The following WWOX variants were observed in gnomAD, a reference collection of about 807,000 sequenced individuals.
WWOX encodes WW domain-containing oxidoreductase.
Under a neutral mutation model 46.2 loss-of-function variants are expected in WWOX, and 69 were observed. That is an observed-to-expected ratio of 1.49 (90% CI 1.23 to 1.82). WWOX has a LOEUF of 1.82. Among genes scored for constraint, WWOX ranks in the 40% most tolerant of loss-of-function variants. The pLI, the probability that WWOX is intolerant of heterozygous loss-of-function variation, is 0.00. For synonymous variants in WWOX, 359 were observed against 202.6 expected (o/e 1.77, Z -6.56); for missense variants, 919 against 542.6 (o/e 1.69, Z -6.89).
chr16:78,802,943 C>CAAAAAAAAAAAAAA (rs1044478788), intron 8 of WWOX, among the ~76,000 whole-genome samples: 1 of 40,842 alleles, frequency 2.4e-5, no homozygotes, highest in Non-Finnish European at 4.5e-5. Flanking sequence ...AAAAAAAAAA[C>CAAAAAAAAAAAAAA]AACAAACAGA....
intron 8 of WWOX, among the ~76,000 whole-genome samples, chr16:78,923,888 C>G (rs941578388): frequency 6.6e-6 from 1 of 150,964 alleles, no homozygotes; most frequent in African/African-American, 2.4e-5. Context: ...CAACCTCCGC[C>G]TCCTGGGTTC....
chr16:78,929,691 A>T (rs2045576918), intron 8 of WWOX, among the ~76,000 whole-genome samples: 1 of 152,304 alleles, frequency 6.6e-6, no homozygotes, highest in African/African-American at 2.4e-5. Flanking sequence ...CAGCCAGCTC[A>T]GGAAAGATTT....
chr16:78,785,409 A>G (rs1039467624), intron 8 of WWOX, among the ~76,000 whole-genome samples: 1 of 152,222 alleles, frequency 6.6e-6, no homozygotes, highest in East Asian at 1.9e-4. Context: ...TCACTCTGCA[A>G]CACACATCGG....
At chr16:79,208,655 A>C (rs1010652336) in intron 8 of WWOX, among the ~76,000 whole-genome samples, 1 of 152,024 alleles carries the variant, frequency 6.6e-6, no homozygotes, top group African/African-American at 2.4e-5. Context: ...CAGTTTAAGA[A>C]TGCTTTCTCT....
At chr16:78,260,334 C>T (rs1439784509) in intron 5 of WWOX, among the ~76,000 whole-genome samples, 3 of 151,580 alleles carry the variant, frequency 2.0e-5, no homozygotes, top group Non-Finnish European at 4.4e-5. Context: ...ATCCAAAGGT[C>T]AGCAGCCTGA....
At chr16:79,209,364 G>C (rs931030070) in intron 8 of WWOX, among the ~76,000 whole-genome samples, 6 of 152,208 alleles carry the variant, frequency 3.9e-5, no homozygotes, top group African/African-American at 1.4e-4. Context: ...GTAGGTCATA[G>C]TGGCAAAATA....
At chr16:79,180,777 C>G (rs2050895865) in intron 8 of WWOX, among the ~76,000 whole-genome samples, 1 of 152,064 alleles carries the variant, frequency 6.6e-6, no homozygotes. Flanking sequence ...ATCCATTCAT[C>G]AATCCATTTA....
At chr16:78,569,597 A>C (rs954540388) in intron 8 of WWOX, among the ~76,000 whole-genome samples, 1 of 152,208 alleles carries the variant, frequency 6.6e-6, no homozygotes, top group East Asian at 1.9e-4. Flanking sequence ...GCCTTGTTGA[A>C]AAAGAATCGC....
Position 78,424,851 on chromosome 16 carries a change from G to T in WWOX, c.606-19G>T. Reference sequence around the variant, plus strand: ...TGTAGTGTTTATGTCCACATCACATGGGATATTTTATTTTTCAGGCCTCTT... The same window carrying T: ...TGTAGTGTTTATGTCCACATCACATTGGATATTTTATTTTTCAGGCCTCTT... On this transcript the variant is annotated intron_variant, in intron 6 of 8. Transcript: ENST00000566780. 6.2e-7 allele frequency: 1 copy of T among 1,613,824 alleles called. No individual in the cohort carries two copies. The highest frequency in any genetic ancestry group is 8.5e-7 in the Non-Finnish European group (1 of 1,179,860).
At chr16:78,773,083 T>C (rs2142526394) in intron 8 of WWOX, among the ~76,000 whole-genome samples, 1 of 152,108 alleles carries the variant, frequency 6.6e-6, no homozygotes, top group South Asian at 2.1e-4. Flanking sequence ...AAAAAGAAAT[T>C]AGGTAACTTG....
chr16:78,690,569 A>G (rs2047962181), intron 8 of WWOX, among the ~76,000 whole-genome samples: 1 of 152,136 alleles, frequency 6.6e-6, no homozygotes, highest in Non-Finnish European at 1.5e-5. Flanking sequence ...AAAAAAGAAG[A>G]AGAAATGTTT....
At chr16:79,109,741 G>A (rs1359144384) in intron 8 of WWOX, among the ~76,000 whole-genome samples, 1 of 152,078 alleles carries the variant, frequency 6.6e-6, no homozygotes, top group African/African-American at 2.4e-5. Context: ...CAAGAATCTA[G>A]AATCTAGAAT....
At chr16:78,355,791 G>A in intron 5 of WWOX, 1 of 723,756 alleles carries the variant, frequency 1.4e-6, no homozygotes, top group South Asian at 1.3e-5. Flanking sequence ...TTTCTCCGGG[G>A]AGATGGCATT....
intron 8 of WWOX, among the ~76,000 whole-genome samples, chr16:78,932,720 G>C (rs989808276): frequency 6.6e-6 from 1 of 152,220 alleles, no homozygotes; most frequent in African/African-American, 2.4e-5. Flanking sequence ...ATCACAGAGA[G>C]CTGGCCCATT....
chr16:78,632,411 GGCTTTCCTACTTAACGTCGCAGAT>G (rs2046454735), intron 8 of WWOX, among the ~76,000 whole-genome samples: 1 of 152,008 alleles, frequency 6.6e-6, no homozygotes, highest in African/African-American at 2.4e-5. Flanking sequence ...CTTTCTTTTG[GGCTTTCCTACTTAACGTCGCAGAT>G]GTTATTTTTT....
At chr16:78,163,215 A>G (rs950721699) in intron 4 of WWOX, among the ~76,000 whole-genome samples, 4 of 152,206 alleles carry the variant, frequency 2.6e-5, no homozygotes, top group Non-Finnish European at 5.9e-5. Context: ...ACTCTAGATA[A>G]TGGTATCTTC....
At chr16:78,151,670 G>T (rs1305508312) in intron 4 of WWOX, among the ~76,000 whole-genome samples, 1 of 152,092 alleles carries the variant, frequency 6.6e-6, no homozygotes, top group Non-Finnish European at 1.5e-5. Flanking sequence ...AAAGGCCCAT[G>T]AATTATCAAT....
At chr16:79,133,729 C>G (rs1197034591) in intron 8 of WWOX, among the ~76,000 whole-genome samples, 2 of 152,150 alleles carry the variant, frequency 1.3e-5, no homozygotes, top group African/African-American at 4.8e-5. Context: ...GTTCTACCAG[C>G]TGAAGAAGTT....
intron 8 of WWOX, among the ~76,000 whole-genome samples, chr16:78,799,480 G>C (rs1467981447): frequency 6.6e-6 from 1 of 152,142 alleles, no homozygotes; most frequent in Non-Finnish European, 1.5e-5. Context: ...AAAGTTGGAG[G>C]TATTTTATGT....
Sources: gnomAD v4.1 joint callset for allele counts (sites outside exome capture counted in the v4.1 genomes callset) on GRCh38, gnomAD v4.1.1 for gene constraint, MANE v1.5 for transcripts, NCBI Gene and HGNC (gene_info 2026-07-23, HGNC 2026-07-21) for gene names.